The following CMYA5 variants were observed in gnomAD, a reference collection of about 807,000 sequenced individuals.
CMYA5 encodes cardiomyopathy associated 5.
Under a neutral mutation model 318.9 loss-of-function variants are expected in CMYA5, and 246 were observed. That is an observed-to-expected ratio of 0.77 (90% CI 0.70 to 0.86). The LOEUF (loss-of-function observed/expected upper bound fraction) is 0.86, where lower values mean the gene tolerates loss of function less well. Ranked by LOEUF, CMYA5 falls within the 40% of genes least tolerant of loss-of-function variation. The pLI, the probability that CMYA5 is intolerant of heterozygous loss-of-function variation, is 0.00. For synonymous variants in CMYA5, 1,641 were observed against 1,729.5 expected, an observed-to-expected ratio of 0.95 and a Z score of 1.27; for missense variants, 4,589 against 4,678.2, an observed-to-expected ratio of 0.98 and a Z score of 0.56.
chr5:79,694,865 C>T (rs909486113), intron 1 of CMYA5, among the ~76,000 whole-genome samples: 4 of 152,164 alleles, frequency 2.6e-5, no homozygotes, highest in Admixed American at 2.0e-4. Context: ...GAGGGGTTGA[C>T]TGCTCAGGAT....
chr5:79,754,456 G>T (rs2151092926), intron 6 of CMYA5, among the ~76,000 whole-genome samples: 1 of 152,246 alleles, frequency 6.6e-6, no homozygotes, highest in Middle Eastern at 3.4e-3. Context: ...GGTGAGGAAA[G>T]GTGAGGAAAG....
intron 1 of CMYA5, among the ~76,000 whole-genome samples, chr5:79,693,091 T>C (rs1827000413): frequency 6.6e-6 from 1 of 152,150 alleles, no homozygotes; most frequent in African/African-American, 2.4e-5. Context: ...CCTGGAAGGG[T>C]TGGAGAAGCC....
chr5:79,733,739 G>GTC lies in CMYA5; in HGVS notation c.4977_4978dup (p.Pro1660LeufsTer3). On this transcript the variant is annotated frameshift_variant, in exon 2 of 13. Coordinates refer to ENST00000446378, the MANE Select transcript of CMYA5 (RefSeq NM_153610.5). LOFTEE classifies it high-confidence loss of function. The stretch of plus-strand genomic sequence containing the variant: ...GATCCATAGGTACAAAACAAGCAAA[G>GTC]TCTCCCATAACTGAAACAGAGGATT... 1 of 1,613,740 alleles carries GTC rather than the reference G, an allele frequency of 6.2e-7. No individual in the cohort carries two copies. Among genetic ancestry groups the GTC allele is most frequent in the Non-Finnish European group, 8.5e-7 (1 of 1,179,802 alleles).
intron 1 of CMYA5, among the ~76,000 whole-genome samples, chr5:79,706,026 G>A (rs1049307427): frequency 1.2e-4 from 19 of 152,170 alleles, no homozygotes; most frequent in East Asian, 5.8e-4. Context: ...CCAGCAGCCC[G>A]CAATGCAACA....
At chr5:79,694,882 G>A (rs1039049537) in intron 1 of CMYA5, among the ~76,000 whole-genome samples, 1 of 152,184 alleles carries the variant, frequency 6.6e-6, no homozygotes, top group Non-Finnish European at 1.5e-5. Context: ...GGATGCCAGA[G>A]GCTGAGGGAG....
intron 9 of CMYA5, among the ~76,000 whole-genome samples, chr5:79,765,929 C>T (rs1051783135): frequency 6.6e-6 from 1 of 152,190 alleles, no homozygotes; most frequent in Non-Finnish European, 1.5e-5. Context: ...ATCATGTCAT[C>T]TGCAAACACA....
intron 3 of CMYA5, 33 bp from the exon 4 acceptor site, chr5:79,745,189 C>A: frequency 1.5e-6 from 2 of 1,339,884 alleles, no homozygotes; most frequent in South Asian, 1.4e-5. Flanking sequence ...TTGTTTCATT[C>A]AGAAGTGGGC....
chr5:79,760,348 G>GT (rs1235565738), intron 7 of CMYA5, among the ~76,000 whole-genome samples: 1 of 152,116 alleles, frequency 6.6e-6, no homozygotes, highest in African/African-American at 2.4e-5. Flanking sequence ...AGTCACATAT[G>GT]TTATGTACAC....
rs141520575 is a variant in CMYA5 at position 79,738,416 on chromosome 5, G to A, written c.9651G>A (p.Val3217=). The A allele has an allele frequency of 2.6e-5, 42 of 1,613,734 alleles. No individual in the cohort carries two copies. In the East Asian group the frequency reaches 8.7e-4, roughly 33 times the overall value. The change falls in exon 2 of 13, where the codon GTG becomes GTA. Residue 3217 remains valine, a synonymous_variant. Transcript: ENST00000446378. ...AGACAGCTTCTGAAGGTGACAGTGT[G>A]AATTCTGAGGCATCATTTCCCAGCA... ...EEETASEGDS[V]NSEASFPSRN...
chr5:79,716,526 T>C (rs773393534), intron 1 of CMYA5, among the ~76,000 whole-genome samples: 1 of 152,250 alleles, frequency 6.6e-6, no homozygotes, highest in Non-Finnish European at 1.5e-5. Flanking sequence ...TACTAATAGA[T>C]GTCCTTCTAC....
At chr5:79,758,624 G>C in intron 6 of CMYA5, 129 bp from the exon 7 acceptor site, 2 of 526,282 alleles carry the variant, frequency 3.8e-6, no homozygotes, top group Non-Finnish European at 6.0e-6. Context: ...GGGGGAACAA[G>C]AGAGCCCTTC....
rs555001287 is a variant in CMYA5, at chr5:79,734,686, C to T, written c.5921C>T (p.Thr1974Ile). ...GATACTTCCAGTGGTAATACAGAGA[C>T]CTTATCAAGTAAAAGTTACTCTTCT... The part of the protein sequence containing the change: ...ALDTSSGNTE[T>I]LSSKSYSSEE... Residue 1974 changes from threonine to isoleucine, a missense_variant, in exon 2 of 13, where the codon ACC becomes ATC. By Grantham distance (89) the Thr-to-Ile change is moderately conservative (BLOSUM62 -1). This residue lies in a region of CMYA5 where 2,431 missense variants were observed against 2,495.1 expected (regional missense o/e 0.97). Transcript: ENST00000446378. 3 of 1,613,800 alleles carry T rather than the reference C, an allele frequency of 1.9e-6. No homozygotes were observed. The highest frequency in any genetic ancestry group is 2.2e-5 in the South Asian group (2 of 91,078).
chr5:79,743,525 T>C (rs1828259904), intron 2 of CMYA5, among the ~76,000 whole-genome samples: 1 of 152,174 alleles, frequency 6.6e-6, no homozygotes, highest in Non-Finnish European at 1.5e-5. Context: ...AATCTATAGT[T>C]CATTAAAACA....
chr5:79,705,982 A>G (rs944805129), intron 1 of CMYA5, among the ~76,000 whole-genome samples: 1 of 152,168 alleles, frequency 6.6e-6, no homozygotes, highest in African/African-American at 2.4e-5. Context: ...CTTCCCCATC[A>G]TCTACTAGTA....
At position 79,733,970 on chromosome 5, in the gene CMYA5, A is replaced by C; in HGVS notation, c.5205A>C (p.Gly1735=). Residue 1735 remains glycine, a synonymous_variant, in exon 2 of 13, where the codon GGA becomes GGC. Coordinates refer to ENST00000446378, the MANE Select transcript of CMYA5 (RefSeq NM_153610.5). ...SKEPPASVAE[G]GNPEEFQPFT... is the part of the protein sequence containing the mutation. ...AACCACCTGCCTCTGTAGCTGAAGG[A>C]GGCAACCCAGAAGAATTTCAGCCAT... 6.2e-7 allele frequency: 1 copy of C among 1,613,612 alleles called. No individual in the cohort carries two copies.
At chr5:79,699,696 A>G (rs1827139359) in intron 1 of CMYA5, among the ~76,000 whole-genome samples, 1 of 152,224 alleles carries the variant, frequency 6.6e-6, no homozygotes, top group Admixed American at 6.5e-5. Flanking sequence ...ACTGGCTACA[A>G]ACTGGCCTCA....
intron 1 of CMYA5, among the ~76,000 whole-genome samples, chr5:79,706,199 G>T (rs988153478): frequency 1.4e-4 from 22 of 152,178 alleles, no homozygotes; most frequent in Admixed American, 2.6e-4. Flanking sequence ...GAGGGCGGGG[G>T]TAGGTTAGTG....
At chr5:79,771,466 T>C (rs1325215885) in intron 9 of CMYA5, among the ~76,000 whole-genome samples, 1 of 152,132 alleles carries the variant, frequency 6.6e-6, no homozygotes, top group Non-Finnish European at 1.5e-5. Flanking sequence ...AATGACTCAT[T>C]CCCTTAATGG....
At chr5:79,713,577 A>G (rs778391616) in intron 1 of CMYA5, among the ~76,000 whole-genome samples, 1 of 152,068 alleles carries the variant, frequency 6.6e-6, no homozygotes, top group Non-Finnish European at 1.5e-5. Flanking sequence ...GTGTGCTTGC[A>G]GTTTATGTAA....
Sources: allele counts gnomAD v4.1 joint callset (sites outside exome capture counted in the v4.1 genomes callset), GRCh38; gene constraint gnomAD v4.1.1; regional missense constraint gnomAD v4.1.1; transcripts MANE v1.5; gene names NCBI Gene and HGNC (gene_info 2026-07-23, HGNC 2026-07-21).